PBX3: variants seen among roughly 807,000 people sequenced by gnomAD.
PBX3 encodes the protein PBX homeobox 3, also known as pre-B-cell leukemia transcription factor 3.
In PBX3, 14 loss-of-function variants were observed where a neutral mutation model predicts 48.5. The ratio of observed to expected loss-of-function variants is 0.29; its 90% confidence interval spans 0.19 to 0.45. The LOEUF (loss-of-function observed/expected upper bound fraction) is 0.45. Among genes scored for constraint, PBX3 ranks in the 20% least tolerant of loss-of-function variants. The probability of loss-of-function intolerance (pLI) is 1.00; values close to 1 mark genes in which losing one functional copy is unlikely to be tolerated. For missense variants in PBX3, 386 were observed against 546.7 expected (o/e 0.71, Z 2.93); for synonymous variants, 210 against 200.3 (o/e 1.05, Z -0.41).
chr9:125,930,186 A>G lies in PBX3; in HGVS notation c.707+341A>G, dbSNP rs544079783. Among the ~76,000 whole-genome samples, 11 of 152,324 alleles carry G rather than the reference A, an allele frequency of 7.2e-5. No homozygotes were observed. The East Asian group carries it at 1.9e-3, about 27-fold the overall frequency. ...GTTTTAACAAGGGGTATTTTGTAAG[A>G]ATTTCTTAATGTTACACGGGTTGTG... On this transcript the variant is annotated intron_variant, in intron 4 of 8. Transcript: ENST00000373489.
intron 2 of PBX3, among the ~76,000 whole-genome samples, chr9:125,879,008 T>C (rs923402390): frequency 1.3e-5 from 2 of 152,176 alleles, no homozygotes; most frequent in Admixed American, 6.6e-5. Context: ...ATTTTACATA[T>C]TTCAGAAATC....
At chr9:125,748,003 G>A (rs943459900) in intron 1 of PBX3, among the ~76,000 whole-genome samples, 1 of 151,444 alleles carries the variant, frequency 6.6e-6, no homozygotes, top group African/African-American at 2.4e-5. Context: ...TTTCTCCTCC[G>A]GCGGGGAGTC....
intron 2 of PBX3, among the ~76,000 whole-genome samples, chr9:125,826,752 CATA>C (rs1475437322): frequency 6.6e-6 from 1 of 152,202 alleles, no homozygotes; most frequent in Middle Eastern, 3.4e-3. Flanking sequence ...TTAATTGACA[CATA>C]ATATTTTCTA....
chr9:125,836,597 G>A (rs1839144074), intron 2 of PBX3, among the ~76,000 whole-genome samples: 2 of 152,174 alleles, frequency 1.3e-5, no homozygotes, highest in Admixed American at 6.5e-5. Flanking sequence ...TGGTAGCTCA[G>A]TAGGGTGACC....
chr9:125,794,933 G>A (rs773018868), intron 2 of PBX3, among the ~76,000 whole-genome samples: 5 of 152,132 alleles, frequency 3.3e-5, no homozygotes, highest in African/African-American at 7.2e-5. Context: ...GAGCCATTAC[G>A]TTTTGAAAGC....
At chr9:125,884,191 G>A (rs1211143331) in intron 2 of PBX3, among the ~76,000 whole-genome samples, 2 of 152,206 alleles carry the variant, frequency 1.3e-5, no homozygotes, top group Middle Eastern at 3.2e-3. Flanking sequence ...GCAGTATTCA[G>A]CAGCTTTGGC....
At chr9:125,785,428 C>T (rs540483736) in intron 2 of PBX3, among the ~76,000 whole-genome samples, 29 of 152,328 alleles carry the variant, frequency 1.9e-4, no homozygotes, top group African/African-American at 7.0e-4. Flanking sequence ...TTCTCCCATG[C>T]TGGATGCTTC....
At chr9:125,838,522 A>G (rs1028926006) in intron 2 of PBX3, among the ~76,000 whole-genome samples, 10 of 152,326 alleles carry the variant, frequency 6.6e-5, no homozygotes, top group African/African-American at 2.4e-4. Flanking sequence ...GGTAGACAAG[A>G]AGATTTGGAC....
At chr9:125,920,473 T>A (rs1841434722) in intron 3 of PBX3, among the ~76,000 whole-genome samples, 1 of 152,218 alleles carries the variant, frequency 6.6e-6, no homozygotes, top group Admixed American at 6.5e-5. Context: ...ACACATTGGC[T>A]TTTGCAAATG....
At chr9:125,835,901 GT>G (rs1248707061) in intron 2 of PBX3, among the ~76,000 whole-genome samples, 7 of 152,158 alleles carry the variant, frequency 4.6e-5, no homozygotes, top group Admixed American at 4.6e-4. Flanking sequence ...GCACTCCCTT[GT>G]TTATTGCAGC....
At chr9:125,907,708 T>C (rs1026284817) in intron 2 of PBX3, among the ~76,000 whole-genome samples, 26 of 152,112 alleles carry the variant, frequency 1.7e-4, no homozygotes, top group African/African-American at 6.3e-4. Context: ...AGTATTGTAA[T>C]TTATTTGTGT....
chr9:125,884,439 T>G (rs1239670784), intron 2 of PBX3, among the ~76,000 whole-genome samples: 1 of 152,204 alleles, frequency 6.6e-6, no homozygotes, highest in Non-Finnish European at 1.5e-5. Flanking sequence ...ATGATGCAAC[T>G]TTTAGAAACA....
intron 2 of PBX3, among the ~76,000 whole-genome samples, chr9:125,825,081 C>T (rs1249998209): frequency 6.6e-6 from 1 of 152,128 alleles, no homozygotes; most frequent in Non-Finnish European, 1.5e-5. Flanking sequence ...CTCAGGAGTT[C>T]GAGACCAGCC....
At chr9:125,929,417 G>A (rs184654118) in intron 3 of PBX3, among the ~76,000 whole-genome samples, 2 of 152,336 alleles carry the variant, frequency 1.3e-5, no homozygotes, top group Admixed American at 1.3e-4. Context: ...CTGGACAGGG[G>A]TGGGTGGGAA....
chr9:125,963,688 G>C (rs532864965), intron 8 of PBX3, among the ~76,000 whole-genome samples: 27 of 152,262 alleles, frequency 1.8e-4, no homozygotes, highest in Admixed American at 1.7e-3. Flanking sequence ...AAGGGGGAAG[G>C]GGGCAGGGGA....
chr9:125,959,238 TA>T (rs1383217871), intron 5 of PBX3, among the ~76,000 whole-genome samples: 10 of 152,336 alleles, frequency 6.6e-5, no homozygotes, highest in East Asian at 1.9e-4. Context: ...TACAGTCTTC[TA>T]GGGGGAAAAA....
At chr9:125,811,796 T>G (rs913793992) in intron 2 of PBX3, among the ~76,000 whole-genome samples, 2 of 152,114 alleles carry the variant, frequency 1.3e-5, no homozygotes, top group Non-Finnish European at 2.9e-5. Flanking sequence ...ATGTCTCTTT[T>G]TTTAGACATT....
intron 2 of PBX3, among the ~76,000 whole-genome samples, chr9:125,885,745 TAGAC>T (rs1022339566): frequency 2.6e-5 from 4 of 152,122 alleles, no homozygotes; most frequent in African/African-American, 9.7e-5. Context: ...AACCTGCCTT[TAGAC>T]AGAGTGAAAT....
intron 2 of PBX3, among the ~76,000 whole-genome samples, chr9:125,841,853 G>T (rs1314159769): frequency 1.3e-5 from 2 of 152,158 alleles, no homozygotes; most frequent in Non-Finnish European, 2.9e-5. Flanking sequence ...TATTGGTTTA[G>T]AGTGGAACAC....
Sources: allele counts gnomAD v4.1 joint callset (sites outside exome capture counted in the v4.1 genomes callset), GRCh38; gene constraint gnomAD v4.1.1; transcripts MANE v1.5; gene names NCBI Gene and HGNC (gene_info 2026-07-23, HGNC 2026-07-21).